CTNND2: variants seen among roughly 807,000 people sequenced by gnomAD.
CTNND2 encodes the protein catenin delta-2.
CTNND2 carries 22 observed loss-of-function variants against 144.4 expected under a neutral mutation model. The ratio of observed to expected loss-of-function variants is 0.15; its 90% CI spans 0.11 to 0.22. The LOEUF is 0.22. CTNND2 is among the 10% of genes least tolerant of loss of function. CTNND2 has a pLI of 1.00. For synonymous variants in CTNND2, 751 were observed against 695.6 expected, an observed-to-expected ratio of 1.08 and a Z score of -1.25; for missense variants, 1,353 against 1,618.8, an observed-to-expected ratio of 0.84 and a Z score of 2.82.
intron 6 of CTNND2, among the ~76,000 whole-genome samples, chr5:11,388,723 G>C (rs776487713): frequency 6.6e-6 from 1 of 152,184 alleles, no homozygotes; most frequent in African/African-American, 2.4e-5. Flanking sequence ...AAGGTTACCT[G>C]AGGCTGTCAT....
intron 13 of CTNND2, among the ~76,000 whole-genome samples, chr5:11,114,973 T>C (rs1345658583): frequency 6.6e-6 from 1 of 152,166 alleles, no homozygotes; most frequent in Non-Finnish European, 1.5e-5. Context: ...TTCAACAGCC[T>C]TGGCATTCAG....
At chr5:11,139,247 G>A (rs549717979) in intron 12 of CTNND2, among the ~76,000 whole-genome samples, 60 of 152,216 alleles carry the variant, frequency 3.9e-4, no homozygotes, top group South Asian at 1.5e-3. Context: ...AGGCATGAGC[G>A]ACCACACCCG....
chr5:10,983,027 AAG>A (rs1233997333), intron 20 of CTNND2, among the ~76,000 whole-genome samples: 6 of 152,200 alleles, frequency 3.9e-5, no homozygotes, highest in Admixed American at 3.3e-4. Flanking sequence ...AGAGAGGAAT[AAG>A]AGGGGATGGT....
chr5:11,690,136 A>G (rs1396581309), intron 2 of CTNND2, among the ~76,000 whole-genome samples: 1 of 152,264 alleles, frequency 6.6e-6, no homozygotes, highest in Non-Finnish European at 1.5e-5. Flanking sequence ...TGACAAAGTC[A>G]AAGAAAATTG....
chr5:11,142,828 G>T (rs1756874164), intron 12 of CTNND2, among the ~76,000 whole-genome samples: 1 of 151,904 alleles, frequency 6.6e-6, no homozygotes, highest in Non-Finnish European at 1.5e-5. Flanking sequence ...TAGCCAGGAT[G>T]GTCTCGATCT....
chr5:11,278,218 C>G (rs1283390523), intron 9 of CTNND2, among the ~76,000 whole-genome samples: 5 of 152,220 alleles, frequency 3.3e-5, no homozygotes, highest in Non-Finnish European at 7.3e-5. Context: ...CAACCTCTAC[C>G]CACTACAGAT....
chr5:11,709,221 A>G (rs1483328112), intron 2 of CTNND2, among the ~76,000 whole-genome samples: 1 of 152,222 alleles, frequency 6.6e-6, no homozygotes, highest in Non-Finnish European at 1.5e-5. Flanking sequence ...CTTCTACAGC[A>G]GAAGCCAGAA....
intron 3 of CTNND2, among the ~76,000 whole-genome samples, chr5:11,445,391 G>A (rs766158414): frequency 4.6e-5 from 7 of 152,176 alleles, no homozygotes; most frequent in Non-Finnish European, 1.0e-4. Flanking sequence ...GGTTTCCCGA[G>A]ATTAGGACTT....
intron 14 of CTNND2, among the ~76,000 whole-genome samples, chr5:11,103,502 C>T (rs1414593056): frequency 6.6e-6 from 1 of 151,756 alleles, no homozygotes; most frequent in African/African-American, 2.4e-5. Flanking sequence ...GAAACCCCAC[C>T]TCTACAAAAA....
At chr5:11,642,571 G>A (rs898789152) in intron 2 of CTNND2, among the ~76,000 whole-genome samples, 1 of 152,154 alleles carries the variant, frequency 6.6e-6, no homozygotes, top group African/African-American at 2.4e-5. Flanking sequence ...AGTGGAGTTG[G>A]TCAAAGTGAG....
At chr5:11,633,206 C>A (rs76640342) in intron 2 of CTNND2, among the ~76,000 whole-genome samples, 2,069 of 152,244 alleles carry the variant, frequency 0.014, 46 homozygotes, top group African/African-American at 0.047. Context: ...AGAGTTAACA[C>A]GTTGAAAGTG....
chr5:11,090,681 G>A (rs2907112), intron 15 of CTNND2, among the ~76,000 whole-genome samples: 10,695 of 152,190 alleles, frequency 0.07, 1,236 homozygotes, highest in African/African-American at 0.24. Context: ...TGTCTTCCAC[G>A]AAACTGGTTC....
At chr5:11,796,703 T>A (rs980102574) in intron 1 of CTNND2, among the ~76,000 whole-genome samples, 2 of 152,216 alleles carry the variant, frequency 1.3e-5, no homozygotes, top group Admixed American at 1.3e-4. Flanking sequence ...CTTAGGGCTG[T>A]TTATAGGATG....
intron 3 of CTNND2, among the ~76,000 whole-genome samples, chr5:11,509,173 A>T (rs1384796447): frequency 6.6e-6 from 1 of 152,206 alleles, no homozygotes; most frequent in Non-Finnish European, 1.5e-5. Context: ...ATAAAAAGGA[A>T]CATGTTTCCA....
chr5:11,366,658 T>C (rs1397509715), intron 7 of CTNND2, among the ~76,000 whole-genome samples: 1 of 137,142 alleles, frequency 7.3e-6, no homozygotes, highest in Non-Finnish European at 1.5e-5. Context: ...AAAATATTGC[T>C]AAGGATTTAA....
At chr5:11,585,374 C>CG (rs1778766473) in intron 2 of CTNND2, among the ~76,000 whole-genome samples, 1 of 151,452 alleles carries the variant, frequency 6.6e-6, no homozygotes, top group Non-Finnish European at 1.5e-5. Context: ...CTTTTTTAAT[C>CG]GGGGGAAAAA....
At position 11,236,810 on chromosome 5, in the gene CTNND2, T is replaced by G. The variant is rs1236689843; in HGVS notation, c.1642A>C (p.Arg548=). 1 of 1,614,096 alleles carries G rather than the reference T, an allele frequency of 6.2e-7. No individual in the cohort carries two copies. The highest frequency in any genetic ancestry group is 2.2e-5 in the East Asian group (1 of 44,874). Residue 548 remains arginine, a synonymous_variant, in exon 10 of 22, where the codon AGA becomes CGA. Coordinates refer to ENST00000304623, the MANE Select transcript of CTNND2 (RefSeq NM_001332.4). The part of the protein sequence containing the change: ...IQKDPREFGW[R]DPELPEVIQM... The stretch of plus-strand genomic sequence containing the variant: ...ATCACTTCCGGCAGTTCCGGGTCTC[T>G]CCATCCAAATTCTCTGAACAAAAGG...
At chr5:11,660,390 GA>G in intron 2 of CTNND2, among the ~76,000 whole-genome samples, 1 of 152,128 alleles carries the variant, frequency 6.6e-6, no homozygotes, top group East Asian at 1.9e-4. Context: ...GGACAGAAGG[GA>G]TATCTGACTC....
chr5:11,353,097 C>T lies in CTNND2; in HGVS notation c.1373-6470G>A, dbSNP rs918094057. On this transcript the variant is annotated intron_variant, in intron 8 of 21. Transcript: ENST00000304623. ...TTTTTTTTTTTAACCATTCCAAGCACGTTTTCAGCCATCAATGGGAAAGGA... is the reference window on the plus strand; with the variant it reads ...TTTTTTTTTTTAACCATTCCAAGCATGTTTTCAGCCATCAATGGGAAAGGA... 6.4e-4 allele frequency among the ~76,000 whole-genome samples: 93 copies of T among 145,358 alleles called. 1 individual carries two copies. The highest frequency in any genetic ancestry group is 2.1e-3 in the African/African-American group (84 of 39,090).
Sources: gnomAD v4.1 joint callset for allele counts (sites outside exome capture counted in the v4.1 genomes callset) on GRCh38, gnomAD v4.1.1 for gene constraint, MANE v1.5 for transcripts, NCBI Gene and HGNC (gene_info 2026-07-23, HGNC 2026-07-21) for gene names.